FGL1: variants seen among roughly 807,000 people sequenced by gnomAD.
FGL1 encodes the protein fibrinogen like 1, also known as fibrinogen-like protein 1.
Under a neutral mutation model 43.7 loss-of-function variants are expected in FGL1, and 59 were observed. The observed-to-expected ratio is 1.35, with a 90% CI of 1.10 to 1.68. FGL1 has a LOEUF of 1.68. FGL1 is among the 40% of genes most tolerant of loss of function. FGL1 has a pLI of 0.00. For missense variants in FGL1, 596 were observed against 373.0 expected (o/e 1.60, Z -4.92); for synonymous variants, 192 against 126.5 (o/e 1.52, Z -3.48).
chr8:17,874,637 G>C, intron 3 of FGL1, 116 bp from the exon 4 acceptor site: 3 of 632,766 alleles, frequency 4.7e-6, no homozygotes, highest in Non-Finnish European at 7.4e-6. Flanking sequence ...ACATGGTATA[G>C]AAATCAGCGT....
At chr8:17,890,968 C>G (rs911796227) in intron 1 of FGL1, among the ~76,000 whole-genome samples, 1 of 152,174 alleles carries the variant, frequency 6.6e-6, no homozygotes, top group African/African-American at 2.4e-5. Context: ...GGTGGAGACA[C>G]ACGCAAACAA....
At position 17,894,073 on chromosome 8, in the gene FGL1, C is replaced by T. The variant is rs528853900; in HGVS notation, c.-18+1374G>A. On this transcript the variant is annotated intron_variant, in intron 1 of 7. Coordinates refer to ENST00000427924, the MANE Select transcript of FGL1 (RefSeq NM_004467.4). Reference sequence around the variant, plus strand: ...TATTTAAAAAAAATTTAATTAATTACGCTGCATTAAATTTAAAGATGAAGA... The same window carrying T: ...TATTTAAAAAAAATTTAATTAATTATGCTGCATTAAATTTAAAGATGAAGA... Among the ~76,000 whole-genome samples, 23 of 146,142 alleles carry T rather than the reference C, an allele frequency of 1.6e-4. 1 individual carries two copies. The highest frequency in any genetic ancestry group is 1.5e-3 in the South Asian group (7 of 4,680).
chr8:17,879,244 T>C (rs2053500051), intron 3 of FGL1, among the ~76,000 whole-genome samples: 1 of 151,966 alleles, frequency 6.6e-6, no homozygotes, highest in Admixed American at 6.6e-5. Context: ...TTCTAACTCC[T>C]GCTTGTACAG....
At chr8:17,876,259 G>C (rs539344653) in intron 3 of FGL1, among the ~76,000 whole-genome samples, 1 of 151,950 alleles carries the variant, frequency 6.6e-6, no homozygotes, top group Non-Finnish European at 1.5e-5. Context: ...AATGTTCATT[G>C]TTTTGATACT....
chr8:17,883,105 A>AATAATAT (rs1563458007), intron 2 of FGL1, among the ~76,000 whole-genome samples: 177 of 15,006 alleles, frequency 0.012, 13 homozygotes, highest in Non-Finnish European at 0.02. Context: ...TAATATATTA[A>AATAATAT]ATAATATATA....
At chr8:17,865,058 T>C (rs2053250267) in intron 7 of FGL1, among the ~76,000 whole-genome samples, 1 of 152,202 alleles carries the variant, frequency 6.6e-6, no homozygotes, top group African/African-American at 2.4e-5. Context: ...ACTGCTGGGA[T>C]AACAGGTGTG....
At chr8:17,879,980 A>G (rs1563455384) in intron 3 of FGL1, among the ~76,000 whole-genome samples, 1 of 152,134 alleles carries the variant, frequency 6.6e-6, no homozygotes, top group Non-Finnish European at 1.5e-5. Context: ...ACTGGCATCT[A>G]CGAGTTCCTC....
chr8:17,892,657 A>G (rs1055449502), intron 1 of FGL1, among the ~76,000 whole-genome samples: 20 of 152,324 alleles, frequency 1.3e-4, no homozygotes, highest in African/African-American at 4.8e-4. Flanking sequence ...TCCTTGATAA[A>G]TGAAACTGCT....
Position 17,870,088 on chromosome 8 carries a change from C to T in FGL1, c.503-1084G>A, listed in dbSNP as rs570931497. 5.9e-5 allele frequency among the ~76,000 whole-genome samples: 9 copies of T among 151,712 alleles called. No homozygotes were observed. The South Asian group carries it at 8.3e-4, about 14-fold the overall frequency. On this transcript the variant is annotated intron_variant, in intron 5 of 7. Coordinates refer to ENST00000427924, the MANE Select transcript of FGL1 (RefSeq NM_004467.4). ...TTGCTCCACTGCACTCCAGCCTGGG[C>T]GACAGAGCGAGACTCCGTCGCAAAA...
chr8:17,883,858 T>C (rs796446024), intron 2 of FGL1, among the ~76,000 whole-genome samples: 3 of 148,516 alleles, frequency 2.0e-5, no homozygotes, highest in African/African-American at 7.5e-5. Flanking sequence ...CTCCCAGATA[T>C]CTTTTCTAGG....
In FGL1 at chr8:17,893,858, A is replaced by G. The variant is rs948870539; in HGVS notation, c.-18+1589T>C. Among the ~76,000 whole-genome samples the G allele has an allele frequency of 1.4e-5, 2 of 147,324 alleles. 1 individual carries two copies. Among genetic ancestry groups the G allele is most frequent in the African/African-American group, 5.3e-5 (2 of 37,586 alleles). On this transcript the variant is annotated intron_variant, in intron 1 of 7. Coordinates refer to ENST00000427924, the MANE Select transcript of FGL1 (RefSeq NM_004467.4). ...TCTTCTGCACATCTGGCTTACAGTA[A>G]AGTTGTATCAAATTATTCTGTTCAT...
intron 3 of FGL1, among the ~76,000 whole-genome samples, chr8:17,881,592 G>C (rs1003163822): frequency 6.6e-6 from 1 of 151,666 alleles, no homozygotes; most frequent in African/African-American, 2.4e-5. Context: ...CCAGCACTTT[G>C]GGAGGCCGAG....
intron 1 of FGL1, among the ~76,000 whole-genome samples, chr8:17,894,327 T>C (rs890048203): frequency 6.8e-6 from 1 of 147,108 alleles, no homozygotes; most frequent in Non-Finnish European, 1.5e-5. Context: ...CTTAGGACTA[T>C]AACCTAAGTC....
chr8:17,872,530 T>G (rs2053380047), intron 5 of FGL1, among the ~76,000 whole-genome samples: 1 of 152,160 alleles, frequency 6.6e-6, no homozygotes, highest in African/African-American at 2.4e-5. Flanking sequence ...CTCGAAATCC[T>G]GGCCCCAAGG....
At chr8:17,874,980 G>T (rs1182583616) in intron 3 of FGL1, among the ~76,000 whole-genome samples, 2 of 151,934 alleles carry the variant, frequency 1.3e-5, no homozygotes, top group East Asian at 3.9e-4. Context: ...AACAAGTTAT[G>T]AGTAGTCTGT....
chr8:17,877,174 C>T (rs1163282457), intron 3 of FGL1, among the ~76,000 whole-genome samples: 2 of 151,734 alleles, frequency 1.3e-5, no homozygotes, highest in Non-Finnish European at 2.9e-5. Context: ...ACCCACTCAA[C>T]TCCCTGGAGA....
intron 5 of FGL1, among the ~76,000 whole-genome samples, chr8:17,869,971 A>T (rs982490503): frequency 1.3e-5 from 2 of 152,086 alleles, no homozygotes; most frequent in Non-Finnish European, 2.9e-5. Context: ...TTAGCCGGGC[A>T]TGGTGGCGGG....
intron 5 of FGL1, among the ~76,000 whole-genome samples, chr8:17,870,633 G>A (rs946690920): frequency 6.6e-6 from 1 of 152,270 alleles, no homozygotes; most frequent in Middle Eastern, 3.4e-3. Flanking sequence ...GGATCCACTT[G>A]TGGACATCCC....
intron 5 of FGL1, among the ~76,000 whole-genome samples, chr8:17,869,330 C>T (rs889462162): frequency 1.3e-5 from 2 of 152,002 alleles, no homozygotes; most frequent in East Asian, 1.9e-4. Context: ...ATGAAAGGGT[C>T]GACGTTTTAC....
Sources: gnomAD v4.1 joint callset for allele counts (sites outside exome capture counted in the v4.1 genomes callset) on GRCh38, gnomAD v4.1.1 for gene constraint, MANE v1.5 for transcripts, NCBI Gene and HGNC (gene_info 2026-07-23, HGNC 2026-07-21) for gene names.